Variants in SMPX observed in about 807,000 individuals in gnomAD.
SMPX encodes small muscular protein.
SMPX carries 2 observed loss-of-function variants against 6.3 expected under a neutral mutation model. That is an observed-to-expected ratio of 0.32 (90% CI 0.13 to 0.99). SMPX has a LOEUF of 0.99. Among genes scored for constraint, SMPX ranks in the 50% least tolerant of loss-of-function variants. The pLI is 0.49. For missense variants in SMPX, 60 were observed against 66.8 expected (o/e 0.90, Z 0.36); for synonymous variants, 32 against 24.7 (o/e 1.30, Z -0.88).
chrX:21,727,110 A>G (rs779672274), intron 4 of SMPX, among the ~76,000 whole-genome samples: 19 of 112,715 alleles, frequency 1.7e-4, no homozygotes, highest in Non-Finnish European at 3.2e-4. Context: ...TGAAACAGTC[A>G]GTGAATAGAT....
intron 4 of SMPX, among the ~76,000 whole-genome samples, chrX:21,728,105 C>T (rs2092798982): frequency 9.0e-6 from 1 of 110,873 alleles, no homozygotes; most frequent in Non-Finnish European, 1.9e-5. Flanking sequence ...TATTGCTCTG[C>T]TGCAGTTTTG....
rs977733271 is a variant in SMPX, at chrX:21,714,572, T to C, written c.*15-8178A>G. The stretch of plus-strand genomic sequence containing the variant: ...GGAAGAGATACAAATCCACAGTGAC[T>C]GGGAATTTCTCCATTTATTAACCCC... On this transcript the variant is annotated intron_variant, in intron 4 of 4. Coordinates refer to ENST00000379494, the MANE Select transcript of SMPX (RefSeq NM_014332.3). Among the ~76,000 whole-genome samples, 3 of 112,031 alleles carry C rather than the reference T, an allele frequency of 2.7e-5. No homozygotes were observed. In the Admixed American group the frequency reaches 2.8e-4, roughly 11 times the overall value.
chrX:21,719,969 AGCTATGTGAC>A (rs975597192), intron 4 of SMPX, among the ~76,000 whole-genome samples: 7 of 112,201 alleles, frequency 6.2e-5, no homozygotes, highest in African/African-American at 2.3e-4. Flanking sequence ...GAAATGTCAC[AGCTATGTGAC>A]TTTGAGAATC....
chrX:21,743,972 G>A (rs2092818862), intron 2 of SMPX, 136 bp from the exon 3 acceptor site: 1 of 494,607 alleles, frequency 2.0e-6, no homozygotes, highest in African/African-American at 2.4e-5. Flanking sequence ...GAAAATTGCT[G>A]TAATGACAGC....
At chrX:21,712,389 C>T (rs763432847) in intron 4 of SMPX, among the ~76,000 whole-genome samples, 60 of 111,975 alleles carry the variant, frequency 5.4e-4, no homozygotes, top group African/African-American at 1.7e-3. Context: ...AGTGCAGGAC[C>T]GGGATAATTC....
At chrX:21,725,542 G>C (rs1432303365) in intron 4 of SMPX, among the ~76,000 whole-genome samples, 2 of 112,317 alleles carry the variant, frequency 1.8e-5, no homozygotes, top group African/African-American at 6.5e-5. Context: ...AGGGTGAGAG[G>C]AGGGAAATTC....
intron 4 of SMPX, among the ~76,000 whole-genome samples, chrX:21,719,008 C>T (rs1348025174): frequency 1.8e-5 from 2 of 112,113 alleles, no homozygotes; most frequent in African/African-American, 6.5e-5. Context: ...CACTTTAAAA[C>T]GTGTGTGTAT....
At chrX:21,725,533 G>A (rs1037647232) in intron 4 of SMPX, among the ~76,000 whole-genome samples, 5 of 112,350 alleles carry the variant, frequency 4.5e-5, no homozygotes, top group Non-Finnish European at 7.5e-5. Context: ...TTAAAAATTA[G>A]GGTGAGAGGA....
At chrX:21,741,502 T>A (rs767293539) in intron 3 of SMPX, among the ~76,000 whole-genome samples, 2 of 111,659 alleles carry the variant, frequency 1.8e-5, no homozygotes, top group East Asian at 5.6e-4. Flanking sequence ...GACAAAATCC[T>A]ACTTAACCCA....
At chrX:21,753,358 C>T (rs1259603046) in intron 2 of SMPX, among the ~76,000 whole-genome samples, 1 of 111,804 alleles carries the variant, frequency 8.9e-6, no homozygotes, top group East Asian at 2.8e-4. Context: ...GTGTTTGCAA[C>T]CTGGCCACAA....
chrX:21,714,543 G>C (rs1283368620), intron 4 of SMPX, among the ~76,000 whole-genome samples: 1 of 111,591 alleles, frequency 9.0e-6, no homozygotes, highest in Non-Finnish European at 1.9e-5. Flanking sequence ...GACACAACTG[G>C]GTTGGAAGAG....
At chrX:21,731,854 G>A (rs1257295243) in intron 4 of SMPX, among the ~76,000 whole-genome samples, 1 of 102,856 alleles carries the variant, frequency 9.7e-6, no homozygotes, top group Non-Finnish European at 2.0e-5. Context: ...ATATATGTTA[G>A]GTCTAGTTAG....
intron 4 of SMPX, among the ~76,000 whole-genome samples, chrX:21,718,822 A>G (rs1206244251): frequency 8.9e-6 from 1 of 112,150 alleles, no homozygotes; most frequent in African/African-American, 3.2e-5. Context: ...GAAAGTTGTC[A>G]TCTCCTGACT....
chrX:21,714,529 T>C (rs2092782152), intron 4 of SMPX, among the ~76,000 whole-genome samples: 1 of 111,861 alleles, frequency 8.9e-6, no homozygotes. Context: ...TGGACTTCCA[T>C]CAAGACACAA....
intron 4 of SMPX, among the ~76,000 whole-genome samples, chrX:21,715,813 G>A (rs2147373575): frequency 9.0e-6 from 1 of 111,509 alleles, no homozygotes; most frequent in South Asian, 3.8e-4. Context: ...GGTACTACTG[G>A]CATTTGGTGA....
chrX:21,752,018 A>G (rs2092827909), intron 2 of SMPX, among the ~76,000 whole-genome samples: 1 of 112,530 alleles, frequency 8.9e-6, no homozygotes, highest in Admixed American at 9.4e-5. Flanking sequence ...AAGGTGCATT[A>G]AATTGGGCCT....
intron 4 of SMPX, among the ~76,000 whole-genome samples, chrX:21,713,564 A>T (rs752365494): frequency 3.6e-5 from 4 of 111,703 alleles, no homozygotes; most frequent in Non-Finnish European, 7.5e-5. Context: ...AGCAAGAGAG[A>T]GCATGTGCAG....
intron 4 of SMPX, among the ~76,000 whole-genome samples, chrX:21,721,045 A>T (rs1466490132): frequency 8.9e-6 from 1 of 111,923 alleles, no homozygotes; most frequent in Non-Finnish European, 1.9e-5. Flanking sequence ...GGGGTTAAAA[A>T]TTGCTGAGTT....
chrX:21,718,743 G>C (rs6633437), intron 4 of SMPX, among the ~76,000 whole-genome samples: 7,416 of 111,832 alleles, frequency 0.066, 615 homozygotes, highest in African/African-American at 0.23. Context: ...AAATGGAACT[G>C]AGGAGAGAAG....
Sources: allele counts gnomAD v4.1 joint callset (sites outside exome capture counted in the v4.1 genomes callset), GRCh38; gene constraint gnomAD v4.1.1; transcripts MANE v1.5; gene names NCBI Gene and HGNC (gene_info 2026-07-23, HGNC 2026-07-21).